SERPINB8: variants seen among roughly 807,000 people sequenced by gnomAD.
SERPINB8 encodes the protein serpin B8.
Under a neutral mutation model 35.3 loss-of-function variants are expected in SERPINB8, and 25 were observed. The observed-to-expected ratio is 0.71, with a 90% CI of 0.52 to 0.99. The LOEUF is 0.99. Ranked by LOEUF, SERPINB8 falls within the 50% of genes least tolerant of loss-of-function variation. The probability of loss-of-function intolerance (pLI) is 0.00; values close to 1 mark genes in which losing one functional copy is unlikely to be tolerated. For missense variants in SERPINB8, 484 were observed against 446.5 expected (o/e 1.08, Z -0.76); for synonymous variants, 186 against 160.8 (o/e 1.16, Z -1.19).
At chr18:63,972,861 A>G (rs575713642) in intron 1 of SERPINB8, among the ~76,000 whole-genome samples, 173 of 152,168 alleles carry the variant, frequency 1.1e-3, no homozygotes, top group Middle Eastern at 6.8e-3. Context: ...TGGTGTATAT[A>G]TGCCACATTT....
chr18:63,993,528 G>A (rs1468627313), downstream of SERPINB8, among the ~76,000 whole-genome samples: 1 of 152,230 alleles, frequency 6.6e-6, no homozygotes, highest in Non-Finnish European at 1.5e-5. Flanking sequence ...ATATTCTGCT[G>A]TTTTGGGGTG....
intron 7 of SERPINB8, among the ~76,000 whole-genome samples, chr18:64,013,123 G>A (rs554880816): frequency 6.6e-6 from 1 of 151,846 alleles, no homozygotes; most frequent in African/African-American, 2.4e-5. Context: ...CTGGGTTGCC[G>A]ATTACTCTGC....
intron 1 of SERPINB8, among the ~76,000 whole-genome samples, chr18:63,970,738 C>A (rs1408603409): frequency 6.6e-6 from 1 of 152,152 alleles, no homozygotes; most frequent in Non-Finnish European, 1.5e-5. Context: ...CCAAGCTTGC[C>A]CCTGTGCTTA....
downstream of SERPINB8, among the ~76,000 whole-genome samples, chr18:64,006,941 A>C (rs2050902681): frequency 6.6e-6 from 1 of 152,196 alleles, no homozygotes; most frequent in Non-Finnish European, 1.5e-5. Flanking sequence ...AAGTAGAATA[A>C]ACCCAAATGA....
rs959166081 is a variant in SERPINB8, at chr18:63,987,505, G to C, written c.*227G>C. 1.9e-6 allele frequency: 1 copy of C among 528,850 alleles called. No homozygotes were observed. Among genetic ancestry groups the C allele is most frequent in the Non-Finnish European group, 3.3e-6 (1 of 301,530 alleles). The allele number at this position is 528,850 out of a possible 1,614,324, so 32.8% of individuals were successfully genotyped here. On this transcript the variant is annotated 3_prime_UTR_variant, in exon 7 of 7. Transcript: ENST00000397985. ...GGCTATGCTGGTTTTGGAGTGTTTG[G>C]GGTGCCTGCCATTGCCTCTGCCTTC...
chr18:64,010,837 G>T (rs193013037), intron 7 of SERPINB8, among the ~76,000 whole-genome samples: 77 of 151,954 alleles, frequency 5.1e-4, no homozygotes, highest in African/African-American at 1.8e-3. Context: ...TCTGGGGGAA[G>T]GAATGAATGT....
At chr18:64,002,072 T>C (rs558282782) in intron 1 of SERPINB8, among the ~76,000 whole-genome samples, 2 of 152,204 alleles carry the variant, frequency 1.3e-5, no homozygotes, top group African/African-American at 4.8e-5. Context: ...CACGGGCTGC[T>C]GAGTCAGCCT....
In SERPINB8 at chr18:64,001,787, C is replaced by G. The variant is rs140167117; in HGVS notation, c.71-3032C>G. On this transcript the variant is annotated intron_variant, in intron 1 of 1. Coordinates refer to the SERPINB8 transcript ENST00000493661. ...CAGGCGTGAGCCACCGCGCCCGACCCGTGCTTTCTCAACTTTTGTACCCTA... is the reference window on the plus strand; with the variant it reads ...CAGGCGTGAGCCACCGCGCCCGACCGGTGCTTTCTCAACTTTTGTACCCTA... 3.7e-3 allele frequency among the ~76,000 whole-genome samples: 569 copies of G among 152,214 alleles called. 5 individuals are homozygous for G. The highest frequency in any genetic ancestry group is 0.012 in the African/African-American group (519 of 41,528).
chr18:63,981,771 G>A lies in SERPINB8; in HGVS notation c.357G>A (p.Leu119=), dbSNP rs367973508. ...TCTATCAGGCAGAGCTGGAGGAGTT[G>A]TCCTTTGCTGAAGACACTGAAGAGT... ...QKFYQAELEE[L]SFAEDTEECR... is the part of the protein sequence containing the mutation. Residue 119 remains leucine (L), a synonymous_variant, in exon 4 of 7, where the codon TTG becomes TTA. Coordinates refer to ENST00000397985, the MANE Select transcript of SERPINB8 (RefSeq NM_002640.4). The A allele has an allele frequency of 1.2e-5, 19 of 1,613,878 alleles. No individual in the cohort carries two copies. In the African/African-American group the frequency reaches 2.3e-4, roughly 19 times the overall value.
At chr18:63,985,710 A>G (rs2050743304) in intron 6 of SERPINB8, among the ~76,000 whole-genome samples, 1 of 152,182 alleles carries the variant, frequency 6.6e-6, no homozygotes, top group Non-Finnish European at 1.5e-5. Flanking sequence ...GATGCTTGGA[A>G]CCACACTATG....
chr18:63,982,677 G>C (rs753551522), intron 4 of SERPINB8, among the ~76,000 whole-genome samples: 1 of 152,164 alleles, frequency 6.6e-6, no homozygotes, highest in Admixed American at 6.5e-5. Context: ...CTGCCTAGTG[G>C]TCTTTCCAGT....
rs1206724041 is a variant in SERPINB8, at chr18:63,970,135, C to A, written c.-46C>A. ...GGAGGAATAGTCAAAGCAGCAGCGG[C>A]GGCGGCGGCGGCGGCAGCAGCAGCA... On this transcript the variant is annotated 5_prime_UTR_variant, in exon 1 of 7. Coordinates refer to ENST00000397985, the MANE Select transcript of SERPINB8 (RefSeq NM_002640.4). 1 of 362,894 alleles carries A rather than the reference C, an allele frequency of 2.8e-6. No homozygotes were observed. The highest frequency in any genetic ancestry group is 3.3e-5 in the Admixed American group (1 of 30,030). The allele number at this position is 362,894 out of a possible 1,614,324, so 22.5% of individuals were successfully genotyped here. A position where few individuals can be genotyped will look rare whatever the true frequency, so the allele number is the denominator to read the frequency against.
At chr18:63,986,826 C>A in intron 6 of SERPINB8, 48 bp from the exon 7 acceptor site, 1 of 1,523,618 alleles carries the variant, frequency 6.6e-7, no homozygotes. Flanking sequence ...GTGTGGGTAT[C>A]AGGCTATTGT....
chr18:63,998,611 T>TCTCTTTCCCTCAGTTG (rs2050860795), intron 1 of SERPINB8, among the ~76,000 whole-genome samples: 1 of 152,184 alleles, frequency 6.6e-6, no homozygotes, highest in South Asian at 2.1e-4. Context: ...GGGCTATCTG[T>TCTCTTTCCCTCAGTTG]CTCTTTCCCT....
intron 1 of SERPINB8, among the ~76,000 whole-genome samples, chr18:64,001,475 G>GTTTATTTATTTATTTATTTATTTA (rs59133514): frequency 1.4e-4 from 20 of 146,916 alleles, no homozygotes; most frequent in Non-Finnish European, 2.4e-4. Context: ...TTGTTTGTTT[G>GTTTATTTATTTATTTATTTATTTA]TTTATTTATT....
chr18:63,980,001 G>T (rs2050646094), intron 3 of SERPINB8, 63 bp downstream of exon 3: 1 of 1,527,920 alleles, frequency 6.5e-7, no homozygotes, highest in African/African-American at 1.4e-5. Flanking sequence ...CAGAAGAGCA[G>T]ATAATAAAGT....
At chr18:64,007,713 C>T (rs987200677), downstream of SERPINB8, among the ~76,000 whole-genome samples, 1 of 152,134 alleles carries the variant, frequency 6.6e-6, no homozygotes, top group Non-Finnish European at 1.5e-5. Context: ...GGGAGAGGTG[C>T]TATGCCCTTT....
downstream of SERPINB8, among the ~76,000 whole-genome samples, chr18:64,008,450 T>C (rs1373964021): frequency 6.6e-6 from 1 of 151,878 alleles, no homozygotes; most frequent in Non-Finnish European, 1.5e-5. Context: ...GGTTTTACTA[T>C]GTTGGCCAGG....
intron 1 of SERPINB8, among the ~76,000 whole-genome samples, chr18:64,000,260 C>T (rs1469312330): frequency 2.6e-5 from 4 of 152,204 alleles, no homozygotes; most frequent in Non-Finnish European, 5.9e-5. Context: ...TATTTGGAAA[C>T]ATTTCAATGA....
Sources: allele counts gnomAD v4.1 joint callset (sites outside exome capture counted in the v4.1 genomes callset), GRCh38; gene constraint gnomAD v4.1.1; transcripts MANE v1.5; gene names NCBI Gene and HGNC (gene_info 2026-07-23, HGNC 2026-07-21).